The following KCNMB4 variants were observed in gnomAD, a reference collection of about 807,000 sequenced individuals.
KCNMB4 encodes calcium-activated potassium channel subunit beta-4.
In KCNMB4, 3 loss-of-function variants were observed where a neutral mutation model predicts 20.7. That is an observed-to-expected ratio of 0.14 (90% confidence interval 0.07 to 0.37). The LOEUF is 0.37. KCNMB4 is among the 10% of genes least tolerant of loss of function. The pLI is 1.00. For synonymous variants in KCNMB4, 110 were observed against 113.4 expected (o/e 0.97, Z 0.19); for missense variants, 168 against 265.9 (o/e 0.63, Z 2.56).
At chr12:70,412,904 A>AT (rs1414644770) in intron 2 of KCNMB4, among the ~76,000 whole-genome samples, 1 of 152,182 alleles carries the variant, frequency 6.6e-6, no homozygotes, top group Non-Finnish European at 1.5e-5. Flanking sequence ...TTCTAAGGCT[A>AT]TTTTTTACAG....
At chr12:70,419,522 T>C (rs909477871) in intron 2 of KCNMB4, among the ~76,000 whole-genome samples, 2 of 152,298 alleles carry the variant, frequency 1.3e-5, no homozygotes, top group African/African-American at 4.8e-5. Context: ...TGAATTTCTC[T>C]TTGCAGAAAT....
intron 2 of KCNMB4, among the ~76,000 whole-genome samples, chr12:70,413,602 T>G (rs1173297840): frequency 6.6e-6 from 1 of 152,154 alleles, no homozygotes; most frequent in African/African-American, 2.4e-5. Context: ...CGGAAACACA[T>G]GTCAAATGTA....
chr12:70,399,226 T>C (rs1019450817), intron 1 of KCNMB4, among the ~76,000 whole-genome samples: 2 of 152,218 alleles, frequency 1.3e-5, no homozygotes, highest in African/African-American at 4.8e-5. Flanking sequence ...ACAATGTGAC[T>C]GAAATTATAC....
chr12:70,378,588 G>A (rs113804007), intron 1 of KCNMB4, among the ~76,000 whole-genome samples: 17,524 of 152,134 alleles, frequency 0.12, 1,274 homozygotes, highest in Middle Eastern at 0.22. Flanking sequence ...CCAGGCTCGA[G>A]TACAATGGTG....
chr12:70,424,286 C>G (rs1869148864), intron 2 of KCNMB4, among the ~76,000 whole-genome samples: 1 of 152,106 alleles, frequency 6.6e-6, no homozygotes, highest in Non-Finnish European at 1.5e-5. Flanking sequence ...CTTGTTGAAT[C>G]TAAAATGTCT....
chr12:70,370,603 C>T (rs759687442), intron 1 of KCNMB4, among the ~76,000 whole-genome samples: 29 of 152,002 alleles, frequency 1.9e-4, no homozygotes, highest in Admixed American at 1.4e-3. Context: ...CCACCGCGCC[C>T]GGCCAGTGCT....
intron 1 of KCNMB4, among the ~76,000 whole-genome samples, chr12:70,381,222 G>C (rs1398788413): frequency 2.0e-5 from 3 of 151,928 alleles, no homozygotes; most frequent in African/African-American, 7.2e-5. Flanking sequence ...CCATTAGAAT[G>C]GCTGTAAAAA....
intron 1 of KCNMB4, among the ~76,000 whole-genome samples, chr12:70,370,400 C>T (rs1188327573): frequency 5.3e-5 from 8 of 151,656 alleles, no homozygotes; most frequent in Admixed American, 5.2e-4. Flanking sequence ...CTCCGCCTCC[C>T]TGGTTCATGC....
chr12:70,393,154 A>G (rs1868315041), intron 1 of KCNMB4, among the ~76,000 whole-genome samples: 1 of 151,668 alleles, frequency 6.6e-6, no homozygotes, highest in Non-Finnish European at 1.5e-5. Flanking sequence ...TTCTATTTGG[A>G]TTCAACTTCT....
chr12:70,413,201 A>C (rs7138222), intron 2 of KCNMB4, among the ~76,000 whole-genome samples: 49,071 of 152,052 alleles, frequency 0.32, 8,097 homozygotes, highest in East Asian at 0.54. Context: ...ATGGCTGTAC[A>C]TTACTTAAAA....
intron 1 of KCNMB4, among the ~76,000 whole-genome samples, chr12:70,377,952 CT>C (rs112757781): frequency 0.38 from 53,857 of 141,528 alleles, 10,017 homozygotes; most frequent in East Asian, 0.75. Context: ...AGCTCTACTT[CT>C]TTTTTTTTTT....
chr12:70,427,123 C>G (rs746389918), intron 2 of KCNMB4, among the ~76,000 whole-genome samples: 11 of 152,196 alleles, frequency 7.2e-5, no homozygotes, highest in Non-Finnish European at 1.6e-4. Context: ...ATGTGGCAAA[C>G]AGTGATTATT....
chr12:70,382,419 C>T (rs977204036), intron 1 of KCNMB4, among the ~76,000 whole-genome samples: 108 of 102,180 alleles, frequency 1.1e-3, no homozygotes, highest in Admixed American at 1.6e-3. Context: ...GGCGACAGAA[C>T]GAGACTCCGT....
At chr12:70,418,333 G>C (rs1868963780) in intron 2 of KCNMB4, among the ~76,000 whole-genome samples, 2 of 152,154 alleles carry the variant, frequency 1.3e-5, no homozygotes, top group Admixed American at 1.3e-4. Flanking sequence ...TCTTTGCCTG[G>C]AGCGAGGGCT....
intron 2 of KCNMB4, among the ~76,000 whole-genome samples, chr12:70,412,688 T>G (rs1212305240): frequency 6.6e-6 from 1 of 152,244 alleles, no homozygotes; most frequent in Non-Finnish European, 1.5e-5. Context: ...AACTTTGTTT[T>G]TACTAGCAGA....
At chr12:70,375,098 C>G (rs1019637947) in intron 1 of KCNMB4, among the ~76,000 whole-genome samples, 1 of 152,158 alleles carries the variant, frequency 6.6e-6, no homozygotes, top group Non-Finnish European at 1.5e-5. Flanking sequence ...AAATTCATCA[C>G]TATTTCTCCC....
chr12:70,399,457 T>G (rs1195947077), intron 1 of KCNMB4, among the ~76,000 whole-genome samples: 1 of 152,220 alleles, frequency 6.6e-6, no homozygotes, highest in Non-Finnish European at 1.5e-5. Context: ...TCTGCTGTAT[T>G]GCAAACACTC....
chr12:70,384,083 A>G (rs1441134350), intron 1 of KCNMB4, among the ~76,000 whole-genome samples: 1 of 152,064 alleles, frequency 6.6e-6, no homozygotes. Context: ...CAAACAAAAA[A>G]CACCAGTCAT....
intron 1 of KCNMB4, among the ~76,000 whole-genome samples, chr12:70,397,926 T>A (rs1051113043): frequency 1.3e-5 from 2 of 152,226 alleles, no homozygotes; most frequent in African/African-American, 4.8e-5. Context: ...TTGGGAAATT[T>A]CTCCTTCGTA....
Sources: allele counts gnomAD v4.1 joint callset (sites outside exome capture counted in the v4.1 genomes callset), GRCh38; gene constraint gnomAD v4.1.1; transcripts MANE v1.5; gene names NCBI Gene and HGNC (gene_info 2026-07-23, HGNC 2026-07-21).